ATP2B2: variants seen among roughly 807,000 people sequenced by gnomAD.
ATP2B2 encodes plasma membrane calcium-transporting ATPase 2.
A neutral mutation model predicts 120.0 loss-of-function variants in ATP2B2; 15 were observed. That is an observed-to-expected ratio of 0.12 (90% confidence interval 0.08 to 0.19). The LOEUF is 0.19. Ranked by LOEUF, ATP2B2 falls within the 10% of genes least tolerant of loss-of-function variation. ATP2B2 has a pLI of 1.00. For missense variants in ATP2B2, 1,045 were observed against 1,719.8 expected (o/e 0.61, Z 6.94); for synonymous variants, 694 against 700.3 (o/e 0.99, Z 0.14).
At chr3:10,698,950 T>TA (rs566231293) in intron 1 of ATP2B2, among the ~76,000 whole-genome samples, 466 of 152,322 alleles carry the variant, frequency 3.1e-3, no homozygotes, top group Non-Finnish European at 3.5e-3. Context: ...CATCCACTCT[T>TA]ACCCTTCACC....
At chr3:10,602,651 TA>T (rs2068955834) in intron 2 of ATP2B2, among the ~76,000 whole-genome samples, 2 of 152,214 alleles carry the variant, frequency 1.3e-5, no homozygotes, top group African/African-American at 2.4e-5. Context: ...TTAATTGCAT[TA>T]AAAAGTTTCT....
intron 2 of ATP2B2, among the ~76,000 whole-genome samples, chr3:10,598,258 T>C (rs980965740): frequency 6.6e-6 from 1 of 152,138 alleles, no homozygotes; most frequent in East Asian, 1.9e-4. Context: ...AAAAACAGGA[T>C]GTAAGGGCCA....
At chr3:10,465,119 C>T (rs2064680552) in intron 1 of ATP2B2, among the ~76,000 whole-genome samples, 1 of 152,246 alleles carries the variant, frequency 6.6e-6, no homozygotes, top group African/African-American at 2.4e-5. Context: ...CAGCCCCAAG[C>T]CTCCTCTCCC....
In ATP2B2 at chr3:10,350,451, G is replaced by T; in HGVS notation, c.2263C>A (p.Leu755Met). The stretch of plus-strand genomic sequence containing the variant: ...TTGAACTCCTTGCCCTCGAGGCACA[G>T]AAAGTCCTCCCCAGGATGGATGATG... ...CGIIHPGEDF[L>M]CLEGKEFNRR... The change falls in exon 15 of 23, where the codon CTG (leucine) becomes ATG (methionine). Residue 755 changes from leucine (L) to methionine (M), a missense_variant. This residue lies in a region of ATP2B2 where 343 missense variants were observed against 536.8 expected (regional missense o/e 0.64). Coordinates refer to ENST00000360273, the MANE Select transcript of ATP2B2 (RefSeq NM_001001331.4). 1 of 1,614,234 alleles carries T rather than the reference G, an allele frequency of 6.2e-7. No individual in the cohort carries two copies. The highest frequency in any genetic ancestry group is 8.5e-7 in the Non-Finnish European group (1 of 1,180,040).
At chr3:10,436,870 C>A (rs1234100784) in intron 2 of ATP2B2, among the ~76,000 whole-genome samples, 1 of 152,104 alleles carries the variant, frequency 6.6e-6, no homozygotes, top group Non-Finnish European at 1.5e-5. Context: ...TTCCTGCCAG[C>A]CCCTTTCCCC....
chr3:10,479,747 T>C (rs1025291873), intron 1 of ATP2B2, among the ~76,000 whole-genome samples: 1 of 152,074 alleles, frequency 6.6e-6, no homozygotes, highest in African/African-American at 2.4e-5. Context: ...CTGCAAGTAG[T>C]TCAAGGAGGA....
chr3:10,648,029 C>T (rs2070364965), intron 1 of ATP2B2, among the ~76,000 whole-genome samples: 1 of 152,188 alleles, frequency 6.6e-6, no homozygotes, highest in Admixed American at 6.5e-5. Flanking sequence ...GGCAATAGAA[C>T]AGGGAGTGCA....
intron 1 of ATP2B2, among the ~76,000 whole-genome samples, chr3:10,632,820 T>G (rs541865376): frequency 2.6e-5 from 4 of 152,302 alleles, no homozygotes; most frequent in Non-Finnish European, 5.9e-5. Context: ...TGGGCCTCTT[T>G]GTGGTGACAG....
At chr3:10,512,500 A>G (rs62238447) in intron 3 of ATP2B2, among the ~76,000 whole-genome samples, 45,315 of 150,466 alleles carry the variant, frequency 0.3, 7,303 homozygotes, top group South Asian at 0.45. Context: ...ACACACACAC[A>G]CACACACACA....
chr3:10,395,480 G>A lies in ATP2B2; in HGVS notation c.781+5473C>T, dbSNP rs564155928. 1.8e-4 allele frequency among the ~76,000 whole-genome samples: 27 copies of A among 152,326 alleles called. No individual in the cohort carries two copies. The East Asian group carries it at 3.5e-3, about 20-fold the overall frequency. Reference sequence around the variant, plus strand: ...GGGAGACACACCTGCAGTGTCTAGCGGGAGAAGGCCATCACATCTGCATGA... The same window carrying A: ...GGGAGACACACCTGCAGTGTCTAGCAGGAGAAGGCCATCACATCTGCATGA... On this transcript the variant is annotated intron_variant, in intron 5 of 22. Coordinates refer to ENST00000360273, the MANE Select transcript of ATP2B2 (RefSeq NM_001001331.4).
At chr3:10,490,472 C>T (rs1315634777) in intron 1 of ATP2B2, among the ~76,000 whole-genome samples, 5 of 149,574 alleles carry the variant, frequency 3.3e-5, no homozygotes, top group African/African-American at 1.2e-4. Context: ...GATGAAATCT[C>T]GGCTCACTGC....
chr3:10,612,808 C>T (rs1455612704), intron 2 of ATP2B2, among the ~76,000 whole-genome samples: 2 of 152,328 alleles, frequency 1.3e-5, no homozygotes, highest in East Asian at 3.9e-4. Flanking sequence ...TAGCACCAGC[C>T]TCCAACTGGT....
chr3:10,390,092 G>A lies in ATP2B2; in HGVS notation c.782-1690C>T, dbSNP rs564696807. On this transcript the variant is annotated intron_variant, in intron 5 of 22. Transcript: ENST00000360273. ...ACTACCTTCTCAGATGGGGGAGTAA[G>A]AATTCCACCCTGGCCTGGCTGGACA... Among the ~76,000 whole-genome samples, 54 of 152,256 alleles carry A rather than the reference G, an allele frequency of 3.5e-4. No individual in the cohort carries two copies. The South Asian group carries it at 8.5e-3, about 24-fold the overall frequency.
intron 2 of ATP2B2, among the ~76,000 whole-genome samples, chr3:10,582,750 C>G (rs1285910204): frequency 6.6e-6 from 1 of 152,146 alleles, no homozygotes; most frequent in African/African-American, 2.4e-5. Context: ...AAGAGAAGGG[C>G]AGGGCCCTGG....
At chr3:10,429,833 C>T (rs550832318) in intron 2 of ATP2B2, among the ~76,000 whole-genome samples, 3 of 152,284 alleles carry the variant, frequency 2.0e-5, no homozygotes, top group South Asian at 2.1e-4. Flanking sequence ...GTGCTACTCC[C>T]GTGAACACCT....
chr3:10,336,047 T>C, intron 22 of ATP2B2: 1 of 1,463,806 alleles, frequency 6.8e-7, no homozygotes, highest in East Asian at 2.5e-5. Flanking sequence ...CTGCCCCCCA[T>C]GTCCTCTGGT....
intron 3 of ATP2B2, among the ~76,000 whole-genome samples, chr3:10,403,973 A>T (rs572792824): frequency 6.6e-6 from 1 of 152,370 alleles, no homozygotes; most frequent in South Asian, 2.1e-4. Flanking sequence ...AGAGAACAGA[A>T]GCTTCAAGAG....
At chr3:10,516,547 C>G (rs945750668) in intron 3 of ATP2B2, among the ~76,000 whole-genome samples, 1 of 152,220 alleles carries the variant, frequency 6.6e-6, no homozygotes, top group Non-Finnish European at 1.5e-5. Context: ...TCCCATTGTC[C>G]CCATAACATC....
In ATP2B2 at chr3:10,396,853, G is replaced by C. The variant is rs527571251; in HGVS notation, c.781+4100C>G. ...ATGAGCTGGGGCTATAATCAGAAAG[G>C]GGGGGAAGCTTGTTGGGGGTCCCTG... On this transcript the variant is annotated intron_variant, in intron 5 of 22. Coordinates refer to ENST00000360273, the MANE Select transcript of ATP2B2 (RefSeq NM_001001331.4). Among the ~76,000 whole-genome samples, 443 of 152,190 alleles carry C rather than the reference G, an allele frequency of 2.9e-3. 3 individuals carry two copies. The highest frequency in any genetic ancestry group is 9.9e-3 in the African/African-American group (411 of 41,512).
Sources: gnomAD v4.1 joint callset for allele counts (sites outside exome capture counted in the v4.1 genomes callset) on GRCh38, gnomAD v4.1.1 for gene constraint, gnomAD v4.1.1 regional missense constraint, MANE v1.5 for transcripts, NCBI Gene and HGNC (gene_info 2026-07-23, HGNC 2026-07-21) for gene names.